SH3RF3: variants seen among roughly 807,000 people sequenced by gnomAD.
SH3RF3 encodes SH3 domain containing ring finger 3.
Under a neutral mutation model 66.3 loss-of-function variants are expected in SH3RF3, and 29 were observed. That is an observed-to-expected ratio of 0.44 (90% confidence interval 0.33 to 0.60). The LOEUF (loss-of-function observed/expected upper bound fraction) is 0.60. Ranked by LOEUF, SH3RF3 falls within the 20% of genes least tolerant of loss-of-function variation. The pLI, the probability that SH3RF3 is intolerant of heterozygous loss-of-function variation, is 0.04. For synonymous variants in SH3RF3, 583 were observed against 532.0 expected (o/e 1.10, Z -1.32); for missense variants, 1,194 against 1,190.9 (o/e 1.00, Z -0.04).
intron 1 of SH3RF3, among the ~76,000 whole-genome samples, chr2:109,339,283 G>A (rs1362941278): frequency 6.6e-6 from 1 of 152,036 alleles, no homozygotes; most frequent in Admixed American, 6.5e-5. Flanking sequence ...TGTTTTTTGG[G>A]GGGGTGGGGG....
At chr2:109,233,703 C>A (rs1359470774) in intron 1 of SH3RF3, among the ~76,000 whole-genome samples, 2 of 152,232 alleles carry the variant, frequency 1.3e-5, no homozygotes, top group Non-Finnish European at 2.9e-5. Flanking sequence ...ATCCTTTTGG[C>A]TCGGAATATT....
At chr2:109,175,519 A>G (rs1292396622) in intron 1 of SH3RF3, among the ~76,000 whole-genome samples, 2 of 152,230 alleles carry the variant, frequency 1.3e-5, no homozygotes, top group Non-Finnish European at 2.9e-5. Context: ...GAGAGCAAAC[A>G]AGGATGAGCT....
At chr2:109,251,935 C>G (rs1177597804) in intron 1 of SH3RF3, among the ~76,000 whole-genome samples, 2 of 151,998 alleles carry the variant, frequency 1.3e-5, no homozygotes, top group Admixed American at 1.3e-4. Flanking sequence ...CAAAAGTACC[C>G]CCCAAATAAA....
intron 1 of SH3RF3, among the ~76,000 whole-genome samples, chr2:109,144,747 G>T (rs1055848495): frequency 6.6e-6 from 1 of 152,220 alleles, no homozygotes; most frequent in African/African-American, 2.4e-5. Flanking sequence ...TGCCTGGCAG[G>T]GGCCACCTCA....
intron 4 of SH3RF3, among the ~76,000 whole-genome samples, chr2:109,400,604 T>C (rs921278782): frequency 1.3e-4 from 19 of 151,566 alleles, no homozygotes; most frequent in African/African-American, 4.6e-4. Context: ...TGAACTTATA[T>C]GCGTCCCTTC....
Position 109,419,740 on chromosome 2 carries a change from T to C in SH3RF3, c.1403+98T>C. The stretch of plus-strand genomic sequence containing the variant: ...GTGTGGTTTCCGCAGGGTTTTCCCA[T>C]GTGTTACTAGTTGGCCAGTATAGTT... On this transcript the variant is annotated intron_variant, in intron 5 of 9. Coordinates refer to ENST00000309415, the MANE Select transcript of SH3RF3 (RefSeq NM_001099289.3). 5 of 1,181,522 alleles carry C rather than the reference T, an allele frequency of 4.2e-6. No individual in the cohort carries two copies. The East Asian group carries it at 7.7e-5, about 18-fold the overall frequency. 73.2% of individuals were successfully genotyped at this position (1,181,522 alleles called of 1,614,324 possible).
chr2:109,140,642 A>G (rs1676925647), intron 1 of SH3RF3, among the ~76,000 whole-genome samples: 3 of 152,062 alleles, frequency 2.0e-5, no homozygotes, highest in Admixed American at 6.5e-5. Flanking sequence ...CAGCCTCCCA[A>G]AGTGCTGGGA....
chr2:109,340,136 G>A (rs2105524242), intron 1 of SH3RF3, among the ~76,000 whole-genome samples: 1 of 152,302 alleles, frequency 6.6e-6, no homozygotes, highest in East Asian at 1.9e-4. Context: ...CTTTGAGGGG[G>A]TGATGTGTGT....
chr2:109,425,257 A>T (rs188789935), intron 5 of SH3RF3, among the ~76,000 whole-genome samples: 18 of 152,258 alleles, frequency 1.2e-4, no homozygotes, highest in Non-Finnish European at 2.6e-4. Context: ...TTAAAGAAAG[A>T]AGCCATCTCT....
chr2:109,263,229 A>G (rs991722172), intron 1 of SH3RF3, among the ~76,000 whole-genome samples: 1 of 152,176 alleles, frequency 6.6e-6, no homozygotes, highest in African/African-American at 2.4e-5. Flanking sequence ...TGTCTTTACT[A>G]GTGCTCTTTG....
chr2:109,373,614 G>A (rs1683321888), intron 3 of SH3RF3, among the ~76,000 whole-genome samples: 1 of 152,260 alleles, frequency 6.6e-6, no homozygotes, highest in Non-Finnish European at 1.5e-5. Flanking sequence ...CCTCTGTTGT[G>A]ACAGAAGTCA....
At chr2:109,176,806 C>T (rs542654690) in intron 1 of SH3RF3, among the ~76,000 whole-genome samples, 2 of 152,258 alleles carry the variant, frequency 1.3e-5, no homozygotes, top group East Asian at 1.9e-4. Flanking sequence ...TAGGCTCAGC[C>T]GTGAACTTTA....
In SH3RF3 at chr2:109,494,588, C is replaced by T. The variant is rs142333255; in HGVS notation, c.2480+3652C>T. Among the ~76,000 whole-genome samples the T allele has an allele frequency of 3.6e-3, 554 of 152,258 alleles. 4 individuals are homozygous for T. The highest frequency in any genetic ancestry group is 0.013 in the African/African-American group (528 of 41,544). Reference sequence around the variant, plus strand: ...CTTTGGAGGAGGAGCTGCTGGGCTGCGCCCTGTGCAGAGGTGAGAGTCCCT... The same window carrying T: ...CTTTGGAGGAGGAGCTGCTGGGCTGTGCCCTGTGCAGAGGTGAGAGTCCCT... On this transcript the variant is annotated intron_variant, in intron 9 of 9. Transcript: ENST00000309415.
intron 1 of SH3RF3, among the ~76,000 whole-genome samples, chr2:109,170,254 C>T (rs374719359): frequency 0.068 from 1,045 of 15,472 alleles, 32 homozygotes; most frequent in African/African-American, 0.15. Flanking sequence ...TTTCTCTTCT[C>T]TTCTCTTCTC....
At chr2:109,445,275 A>G (rs997798484) in intron 7 of SH3RF3, among the ~76,000 whole-genome samples, 2 of 152,240 alleles carry the variant, frequency 1.3e-5, no homozygotes, top group Non-Finnish European at 2.9e-5. Context: ...TCAAAGGAGT[A>G]GTCCCTGAGA....
chr2:109,174,545 T>C (rs1337975590), intron 1 of SH3RF3, among the ~76,000 whole-genome samples: 2 of 152,186 alleles, frequency 1.3e-5, no homozygotes, highest in Non-Finnish European at 2.9e-5. Context: ...CTGTGGTCTT[T>C]CTACAACAAC....
chr2:109,434,861 TAAAAG>T (rs1677355994), intron 6 of SH3RF3, among the ~76,000 whole-genome samples: 1 of 152,212 alleles, frequency 6.6e-6, no homozygotes, highest in African/African-American at 2.4e-5. Context: ...ATCGAATCAA[TAAAAG>T]AAATCTAGTT....
intron 2 of SH3RF3, among the ~76,000 whole-genome samples, chr2:109,356,842 C>T (rs55864056): frequency 0.28 from 41,808 of 152,022 alleles, 6,665 homozygotes; most frequent in Non-Finnish European, 0.37. Context: ...GTAATGATGT[C>T]AAAGCTTAAA....
chr2:109,390,721 A>C (rs1018608346), intron 3 of SH3RF3, among the ~76,000 whole-genome samples: 2 of 152,194 alleles, frequency 1.3e-5, no homozygotes, highest in Non-Finnish European at 2.9e-5. Context: ...GCCGCAGGGC[A>C]GCTGGAGGTT....
Sources: gnomAD v4.1 joint callset for allele counts (sites outside exome capture counted in the v4.1 genomes callset) on GRCh38, gnomAD v4.1.1 for gene constraint, MANE v1.5 for transcripts, NCBI Gene and HGNC (gene_info 2026-07-23, HGNC 2026-07-21) for gene names.